WDR72: variants seen among roughly 807,000 people sequenced by gnomAD.
WDR72 encodes the protein WD repeat domain 72, also known as WD repeat-containing protein 72.
A neutral mutation model predicts 124.2 loss-of-function variants in WDR72; 120 were observed. That is an observed-to-expected ratio of 0.97 (90% CI 0.83 to 1.12). The LOEUF (loss-of-function observed/expected upper bound fraction) is 1.12, where lower values mean the gene tolerates loss of function less well. WDR72 is among the 50% of genes most tolerant of loss of function. The pLI is 0.00. For missense variants in WDR72, 1,387 were observed against 1,278.8 expected (o/e 1.08, Z -1.29); for synonymous variants, 452 against 441.7 (o/e 1.02, Z -0.29).
chr15:53,733,300 G>A (rs1366788988), intron 1 of WDR72, 139 bp from the exon 2 acceptor site: 10 of 894,858 alleles, frequency 1.1e-5, no homozygotes, highest in African/African-American at 1.7e-5. Flanking sequence ...GTGTTTCCCC[G>A]TCAATTAGAA....
intron 14 of WDR72, among the ~76,000 whole-genome samples, chr15:53,644,903 C>T (rs573131133): frequency 5.9e-5 from 9 of 152,198 alleles, no homozygotes; most frequent in African/African-American, 1.9e-4. Context: ...GGGGCCACTA[C>T]GCATCTTGGG....
At chr15:53,544,813 G>A (rs1014175164) in intron 18 of WDR72, among the ~76,000 whole-genome samples, 1 of 151,934 alleles carries the variant, frequency 6.6e-6, no homozygotes, top group African/African-American at 2.4e-5. Context: ...CTTCAGCAAA[G>A]TCTCAGGATA....
intron 1 of WDR72, among the ~76,000 whole-genome samples, chr15:53,744,994 C>T (rs942244683): frequency 1.3e-5 from 2 of 150,364 alleles, no homozygotes; most frequent in African/African-American, 4.9e-5. Flanking sequence ...ATCCAGCATG[C>T]CACTATTTGT....
intron 18 of WDR72, among the ~76,000 whole-genome samples, chr15:53,569,164 A>T (rs969382612): frequency 6.6e-6 from 1 of 151,938 alleles, no homozygotes; most frequent in Non-Finnish European, 1.5e-5. Context: ...GTCTTCTGTG[A>T]TTTGAAATAC....
intron 17 of WDR72, among the ~76,000 whole-genome samples, chr15:53,598,630 G>A (rs1431955745): frequency 6.6e-6 from 1 of 152,120 alleles, no homozygotes; most frequent in Non-Finnish European, 1.5e-5. Flanking sequence ...GAAGCTTCCT[G>A]AGAATACTGG....
chr15:53,662,670 T>C (rs1036112795), intron 14 of WDR72, among the ~76,000 whole-genome samples: 1 of 152,164 alleles, frequency 6.6e-6, no homozygotes, highest in Non-Finnish European at 1.5e-5. Context: ...TTAAGAAAAC[T>C]CATGAAGCAT....
At position 53,577,393 on chromosome 15, in the gene WDR72, C is replaced by T. The variant is rs146227909; in HGVS notation, c.3148+19686G>A. Among the ~76,000 whole-genome samples the T allele has an allele frequency of 5.3e-3, 812 of 152,154 alleles. 11 individuals carry two copies. Among genetic ancestry groups the T allele is most frequent in the African/African-American group, 0.019 (772 of 41,510 alleles). On this transcript the variant is annotated intron_variant, in intron 18 of 19. Coordinates refer to ENST00000360509, the MANE Select transcript of WDR72 (RefSeq NM_182758.4). ...GACCATCAGAAAATAATGTCTTGGA[C>T]CCCATTATCTCAGTCAATCAAAGAC...
At chr15:53,694,673 T>C (rs2016948207) in intron 13 of WDR72, among the ~76,000 whole-genome samples, 1 of 152,150 alleles carries the variant, frequency 6.6e-6, no homozygotes. Flanking sequence ...AGGAGACATA[T>C]AATCTAGTGC....
intron 18 of WDR72, among the ~76,000 whole-genome samples, chr15:53,529,165 T>TATATATATATATATA (rs1555404361): frequency 5.5e-4 from 49 of 89,056 alleles, no homozygotes; most frequent in South Asian, 2.0e-3. Context: ...TATATATATA[T>TATATATATATATATA]TTTTTTTTTT....
At chr15:53,534,359 T>C (rs909526329) in intron 18 of WDR72, among the ~76,000 whole-genome samples, 5 of 152,164 alleles carry the variant, frequency 3.3e-5, no homozygotes, top group Middle Eastern at 3.2e-3. Flanking sequence ...AACCTTTAGA[T>C]AACTTTATAA....
chr15:53,719,676 C>T (rs1016580805), intron 3 of WDR72, among the ~76,000 whole-genome samples: 3 of 152,206 alleles, frequency 2.0e-5, no homozygotes, highest in African/African-American at 7.2e-5. Flanking sequence ...CAAATATGGG[C>T]TCTGGGCCAG....
intron 18 of WDR72, among the ~76,000 whole-genome samples, chr15:53,550,045 C>T (rs1286795835): frequency 6.6e-6 from 1 of 152,162 alleles, no homozygotes; most frequent in Non-Finnish European, 1.5e-5. Flanking sequence ...CCAGAAAAAC[C>T]TGTTTAATTG....
chr15:53,711,153 T>C, intron 8 of WDR72, 183 bp downstream of exon 8: 1 of 917,372 alleles, frequency 1.1e-6, no homozygotes, highest in Non-Finnish European at 1.7e-6. Context: ...ATCTCATTCC[T>C]CCATCCCCTG....
intron 18 of WDR72, among the ~76,000 whole-genome samples, chr15:53,557,545 C>A (rs1893975337): frequency 6.6e-6 from 1 of 151,968 alleles, no homozygotes; most frequent in Admixed American, 6.6e-5. Flanking sequence ...GAAACAATGC[C>A]TTGATCTACG....
intron 11 of WDR72, among the ~76,000 whole-genome samples, chr15:53,703,900 A>G (rs965967507): frequency 1.1e-4 from 17 of 152,226 alleles, no homozygotes; most frequent in Middle Eastern, 3.2e-3. Context: ...GCTACAAGTC[A>G]AATATGGCTT....
intron 1 of WDR72, among the ~76,000 whole-genome samples, chr15:53,752,062 T>A (rs1318831697): frequency 6.6e-6 from 1 of 152,218 alleles, no homozygotes; most frequent in Non-Finnish European, 1.5e-5. Flanking sequence ...GAAATTCTTG[T>A]CATTTATAAT....
intron 3 of WDR72, among the ~76,000 whole-genome samples, chr15:53,721,522 G>A (rs2017876082): frequency 6.6e-6 from 1 of 152,098 alleles, no homozygotes; most frequent in African/African-American, 2.4e-5. Flanking sequence ...GAATGTATTA[G>A]GACATTTCAC....
chr15:53,723,333 T>C (rs2017931464), intron 2 of WDR72, among the ~76,000 whole-genome samples: 1 of 152,172 alleles, frequency 6.6e-6, no homozygotes, highest in Non-Finnish European at 1.5e-5. Flanking sequence ...TAATACCCTA[T>C]ATGGTGATAG....
intron 14 of WDR72, among the ~76,000 whole-genome samples, chr15:53,620,385 T>C (rs2013942486): frequency 6.6e-6 from 1 of 151,752 alleles, no homozygotes; most frequent in African/African-American, 2.4e-5. Flanking sequence ...TTAAAATATT[T>C]TGATCATATT....
Sources: gnomAD v4.1 joint callset for allele counts (sites outside exome capture counted in the v4.1 genomes callset) on GRCh38, gnomAD v4.1.1 for gene constraint, MANE v1.5 for transcripts, NCBI Gene and HGNC (gene_info 2026-07-23, HGNC 2026-07-21) for gene names.